The following H2AZ2 variants were observed in gnomAD, a reference collection of about 807,000 sequenced individuals.
H2AZ2 encodes the protein histone H2A.V.
Under a neutral mutation model 15.5 loss-of-function variants are expected in H2AZ2, and 5 were observed. The observed-to-expected ratio is 0.32, with a 90% CI of 0.17 to 0.68. The LOEUF is 0.68. H2AZ2 is among the 30% of genes least tolerant of loss of function. H2AZ2 has a pLI of 0.72. For missense variants in H2AZ2, 42 were observed against 162.5 expected, an observed-to-expected ratio of 0.26 and a Z score of 4.03; for synonymous variants, 44 against 57.4, an observed-to-expected ratio of 0.77 and a Z score of 1.05.
At chr7:44,840,857 A>C (rs1359148075) in intron 3 of H2AZ2, 42 bp downstream of exon 3, 1 of 1,324,270 alleles carries the variant, frequency 7.6e-7, no homozygotes, top group Non-Finnish European at 1.1e-6. Context: ...AGACTAGTGC[A>C]CCTTCTGGAT....
rs566684842 is a variant in H2AZ2, at chr7:44,840,540, G to A, written c.195+359C>T. Among the ~76,000 whole-genome samples, 37 of 152,330 alleles carry A rather than the reference G, an allele frequency of 2.4e-4. 1 individual carries two copies. Among genetic ancestry groups the A allele is most frequent in the African/African-American group, 8.7e-4 (36 of 41,574 alleles). ...AATCTCAGCACTTTGGGAGGCTGAG[G>A]CAGGTAGATCACCTGAGGTCAGGAG... On this transcript the variant is annotated intron_variant, in intron 3 of 4. Transcript: ENST00000308153.
At chr7:44,843,934 T>C (rs1217672841) in intron 1 of H2AZ2, among the ~76,000 whole-genome samples, 1 of 152,170 alleles carries the variant, frequency 6.6e-6, no homozygotes, top group Non-Finnish European at 1.5e-5. Flanking sequence ...AATATAACTT[T>C]TATGCATACA....
chr7:44,847,796 T>C (rs1339905704), intron 1 of H2AZ2, among the ~76,000 whole-genome samples, 173 bp downstream of exon 1: 1 of 152,118 alleles, frequency 6.6e-6, no homozygotes, highest in East Asian at 1.9e-4. Context: ...CGGGGACCCG[T>C]GTCGGGCTCC....
intron 3 of H2AZ2, 34 bp downstream of exon 3, chr7:44,840,865 G>T: frequency 7.0e-7 from 1 of 1,420,268 alleles, no homozygotes; most frequent in Non-Finnish European, 9.9e-7. Context: ...GCACCTTCTG[G>T]ATGGCCATAT....
At chr7:44,840,818 C>G in intron 3 of H2AZ2, 81 bp downstream of exon 3, 1 of 909,838 alleles carries the variant, frequency 1.1e-6, no homozygotes, top group Non-Finnish European at 1.7e-6. Context: ...TGTCTTTTTT[C>G]AAATATATTC....
intron 1 of H2AZ2, among the ~76,000 whole-genome samples, chr7:44,847,516 T>C (rs1793440940): frequency 6.6e-6 from 1 of 152,174 alleles, no homozygotes; most frequent in South Asian, 2.1e-4. Context: ...CAAGCACCCT[T>C]TCGCAGAAAC....
At chr7:44,835,466 G>C in intron 4 of H2AZ2, 63 bp downstream of exon 4, 1 of 1,387,522 alleles carries the variant, frequency 7.2e-7, no homozygotes, top group South Asian at 1.2e-5. Flanking sequence ...CTATATCATT[G>C]ATCTGAACGA....
chr7:44,843,781 C>T (rs2117043332), intron 1 of H2AZ2, among the ~76,000 whole-genome samples: 1 of 152,290 alleles, frequency 6.6e-6, no homozygotes, highest in South Asian at 2.1e-4. Flanking sequence ...TGGTCTTGAA[C>T]TCCTGACCTC....
At chr7:44,835,043 CAAA>C (rs2117025521) in intron 4 of H2AZ2, 1 of 162,350 alleles carries the variant, frequency 6.2e-6, no homozygotes, top group Non-Finnish European at 1.3e-5. Flanking sequence ...CTCAGCCTCC[CAAA>C]GTGCTGAGAT....
At chr7:44,836,575 CG>C (rs547900331) in intron 3 of H2AZ2, among the ~76,000 whole-genome samples, 91 of 152,042 alleles carry the variant, frequency 6.0e-4, no homozygotes, top group African/African-American at 2.1e-3. Flanking sequence ...TGCAGTGCAA[CG>C]GTGTGATCTC....
intron 1 of H2AZ2, 102 bp downstream of exon 1, chr7:44,847,865 GAC>G: frequency 6.7e-7 from 1 of 1,483,402 alleles, no homozygotes; most frequent in Non-Finnish European, 9.0e-7. Context: ...ACGAAGCCCA[GAC>G]ACCCGCAAAC....
intron 3 of H2AZ2, among the ~76,000 whole-genome samples, chr7:44,836,859 G>A (rs1251949614): frequency 2.0e-5 from 3 of 151,892 alleles, no homozygotes; most frequent in African/African-American, 7.2e-5. Context: ...AGCTGGGTGT[G>A]GTGGCAGGCA....
chr7:44,827,233 T>G (rs7016), downstream of H2AZ2: 48,719 of 152,146 alleles, frequency 0.32, 8,696 homozygotes, highest in Non-Finnish European at 0.4. Context: ...ATAAGCAGTT[T>G]TATTTTCAAA....
Position 44,834,315 on chromosome 7 carries a change from C to T in H2AZ2, c.*186G>A. ...GCCAATCAACACACAACTGTCACCA[C>T]ATGAAAAGGTACTTTTATCAAACTT... On this transcript the variant is annotated 3_prime_UTR_variant, in exon 5 of 5. Transcript: ENST00000308153. The T allele has an allele frequency of 3.8e-6, 5 of 1,327,244 alleles. No individual in the cohort carries two copies. Among genetic ancestry groups the T allele is most frequent in the Non-Finnish European group, 4.8e-6 (5 of 1,033,652 alleles). The allele number at this position is 1,327,244 out of a possible 1,614,324, so 82.2% of individuals were successfully genotyped here.
intron 1 of H2AZ2, among the ~76,000 whole-genome samples, chr7:44,846,438 A>T (rs1417466513): frequency 1.3e-5 from 2 of 152,144 alleles, no homozygotes; most frequent in Non-Finnish European, 2.9e-5. Context: ...CAACATGGTG[A>T]AACCCAATCT....
chr7:44,839,957 T>G (rs1228033382), intron 3 of H2AZ2, among the ~76,000 whole-genome samples: 1 of 151,458 alleles, frequency 6.6e-6, no homozygotes, highest in African/African-American at 2.4e-5. Context: ...GAGCCAAGAT[T>G]GTGCCATTGC....
At position 44,834,182 on chromosome 7, in the gene H2AZ2, G is replaced by T; in HGVS notation, c.*319C>A. On this transcript the variant is annotated 3_prime_UTR_variant, in exon 5 of 5. Coordinates refer to ENST00000308153, the MANE Select transcript of H2AZ2 (RefSeq NM_012412.5). The stretch of plus-strand genomic sequence containing the variant: ...GAGATTTAAAATATTTAAAGTCTGA[G>T]TAAAATATTTCTAATACATCATGAA... 9.5e-7 allele frequency: 1 copy of T among 1,047,970 alleles called. No homozygotes were observed. The highest frequency in any genetic ancestry group is 1.2e-6 in the Non-Finnish European group (1 of 861,048). 64.9% of individuals were successfully genotyped at this position (1,047,970 alleles called of 1,614,324 possible).
At chr7:44,830,410 A>G (rs762955690), downstream of H2AZ2, among the ~76,000 whole-genome samples, 3 of 152,198 alleles carry the variant, frequency 2.0e-5, no homozygotes, top group Non-Finnish European at 4.4e-5. Context: ...TTCTCATTAA[A>G]TGTTTCATAA....
chr7:44,829,265 C>G (rs564377738), downstream of H2AZ2: 7 of 152,310 alleles, frequency 4.6e-5, no homozygotes, highest in African/African-American at 1.7e-4. Flanking sequence ...TGGACTGGGT[C>G]TCACTCAAAA....
Sources: gnomAD v4.1 joint callset for allele counts (sites outside exome capture counted in the v4.1 genomes callset) on GRCh38, gnomAD v4.1.1 for gene constraint, MANE v1.5 for transcripts, NCBI Gene and HGNC (gene_info 2026-07-23, HGNC 2026-07-21) for gene names.